Variants in AASS observed in about 807,000 individuals in gnomAD.
The protein encoded by AASS is alpha-aminoadipic semialdehyde synthase, mitochondrial.
Under a neutral mutation model 105.4 loss-of-function variants are expected in AASS, and 86 were observed. The ratio of observed to expected loss-of-function variants is 0.82; its 90% CI spans 0.69 to 0.98. The LOEUF is 0.98. Among genes scored for constraint, AASS ranks in the 50% least tolerant of loss-of-function variants. The pLI is 0.00. For synonymous variants in AASS, 381 were observed against 394.8 expected (o/e 0.96, Z 0.41); for missense variants, 1,048 against 1,143.2 (o/e 0.92, Z 1.20).
intron 3 of AASS, among the ~76,000 whole-genome samples, chr7:122,127,926 A>G (rs1191666034): frequency 6.6e-6 from 1 of 152,124 alleles, no homozygotes; most frequent in African/African-American, 2.4e-5. Context: ...TATCCCTTTG[A>G]ATGTCTAATA....
chr7:122,135,085 G>A (rs983425879), intron 1 of AASS, among the ~76,000 whole-genome samples: 64 of 152,072 alleles, frequency 4.2e-4, no homozygotes, highest in African/African-American at 1.4e-3. Flanking sequence ...GGGAACACTT[G>A]GACACAGGGT....
intron 21 of AASS, 110 bp downstream of exon 21, chr7:122,079,487 G>A (rs569886610): frequency 9.1e-7 from 1 of 1,094,008 alleles, no homozygotes; most frequent in South Asian, 1.3e-5. Flanking sequence ...ACCCACATTA[G>A]AGCAACGAAT....
At chr7:122,106,665 C>A (rs1041926071) in intron 11 of AASS, among the ~76,000 whole-genome samples, 1 of 152,088 alleles carries the variant, frequency 6.6e-6, no homozygotes, top group East Asian at 1.9e-4. Context: ...AAAGGACTCC[C>A]TGTTTAATAA....
At chr7:122,114,442 C>T (rs1795075982) in intron 9 of AASS, among the ~76,000 whole-genome samples, 1 of 152,188 alleles carries the variant, frequency 6.6e-6, no homozygotes, top group Non-Finnish European at 1.5e-5. Flanking sequence ...ATATCTTTTA[C>T]TCTTCCACAA....
chr7:122,113,382 C>A (rs1234913071), intron 10 of AASS, among the ~76,000 whole-genome samples, 153 bp from the exon 11 acceptor site: 1 of 152,138 alleles, frequency 6.6e-6, no homozygotes, highest in Non-Finnish European at 1.5e-5. Context: ...TCAAACAAAA[C>A]GTTTTCCTTC....
In AASS at chr7:122,118,370, A is replaced by G. The variant is rs759837259; in HGVS notation, c.624T>C (p.Gly208=). Residue 208 remains glycine (G), a synonymous_variant, in exon 6 of 24, where the codon GGT becomes GGC. Transcript: ENST00000417368. ...AGGGTCCTATTGACTTAGGCATCAA[A>G]CCCAAAGATATTTCATAGCCAGCAT... ...VRDAGYEISL[G]LMPKSIGPLT... is the part of the protein sequence containing the mutation. The G allele has an allele frequency of 1.9e-6, 3 of 1,614,034 alleles. No individual in the cohort carries two copies. In the African/African-American group the frequency reaches 4.0e-5, roughly 22 times the overall value.
At chr7:122,128,420 T>C (rs921525172) in intron 3 of AASS, among the ~76,000 whole-genome samples, 1 of 152,206 alleles carries the variant, frequency 6.6e-6, no homozygotes, top group Non-Finnish European at 1.5e-5. Flanking sequence ...AGATTGTTGC[T>C]CAATGCCACT....
intron 4 of AASS, among the ~76,000 whole-genome samples, chr7:122,125,031 T>G (rs964778490): frequency 6.6e-6 from 1 of 152,132 alleles, no homozygotes; most frequent in African/African-American, 2.4e-5. Context: ...CAAGCAATTC[T>G]CATGCCTCAA....
At chr7:122,097,801 T>C (rs1301711460) in intron 15 of AASS, among the ~76,000 whole-genome samples, 1 of 151,994 alleles carries the variant, frequency 6.6e-6, no homozygotes, top group Non-Finnish European at 1.5e-5. Flanking sequence ...ATTAATACCT[T>C]ATGACCTGCA....
At chr7:122,109,972 A>G (rs117360498) in intron 11 of AASS, among the ~76,000 whole-genome samples, 12 of 152,108 alleles carry the variant, frequency 7.9e-5, no homozygotes, top group Non-Finnish European at 1.5e-4. Context: ...AAGAGATAAT[A>G]CAATCAAAAA....
chr7:122,086,114 T>A lies in AASS; in HGVS notation c.2082A>T (p.Gly694=). Residue 694 remains glycine, a synonymous_variant, in exon 19 of 24, where the codon GGA becomes GGT. Transcript: ENST00000417368. ...TGTTAGGATAGCCTTCCAAATTTAA[T>A]CCTGGAAAAAAATCCATGGACGTAA... ...DAVTSMDFFP[G]LNLEGYPNRD... The A allele has an allele frequency of 6.2e-7, 1 of 1,613,466 alleles. No individual in the cohort carries two copies. Among genetic ancestry groups the A allele is most frequent in the Non-Finnish European group, 8.5e-7 (1 of 1,179,782 alleles).
chr7:122,130,039 C>T (rs926588318), intron 2 of AASS, among the ~76,000 whole-genome samples: 1 of 151,876 alleles, frequency 6.6e-6, no homozygotes. Flanking sequence ...GTCAAGATCC[C>T]TTGTATAAAG....
intron 13 of AASS, among the ~76,000 whole-genome samples, chr7:122,100,385 G>C (rs558934940): frequency 6.6e-6 from 1 of 151,948 alleles, no homozygotes; most frequent in South Asian, 2.1e-4. Flanking sequence ...CTCCTACAGG[G>C]TTATAGAGCT....
intron 6 of AASS, among the ~76,000 whole-genome samples, 192 bp downstream of exon 6, chr7:122,118,115 A>G (rs1368365680): frequency 6.6e-6 from 1 of 152,168 alleles, no homozygotes; most frequent in Non-Finnish European, 1.5e-5. Context: ...ATACACACAC[A>G]TACACATACA....
At chr7:122,113,503 A>G (rs1795027394) in intron 10 of AASS, 95 bp downstream of exon 10, 3 of 1,516,478 alleles carry the variant, frequency 2.0e-6, no homozygotes. Flanking sequence ...CCAAATTTTC[A>G]TAACTTCATA....
intron 4 of AASS, among the ~76,000 whole-genome samples, chr7:122,120,786 C>T (rs1377161895): frequency 2.6e-5 from 4 of 152,012 alleles, no homozygotes; most frequent in Admixed American, 2.6e-4. Flanking sequence ...TTCTAATTTT[C>T]CTGTGATTTC....
chr7:122,126,231 AT>A (rs1562987606), intron 4 of AASS, 143 bp downstream of exon 4: 1 of 772,572 alleles, frequency 1.3e-6, no homozygotes, highest in Non-Finnish European at 2.3e-6. Context: ...TTCCACTTGT[AT>A]TCATCATCCT....
intron 20 of AASS, among the ~76,000 whole-genome samples, chr7:122,080,780 AG>A (rs1340203929): frequency 1.3e-5 from 2 of 152,236 alleles, no homozygotes; most frequent in Admixed American, 6.5e-5. Context: ...AATTTTTTAA[AG>A]AAACTAGCTA....
chr7:122,136,458 T>C lies in AASS; in HGVS notation c.-15-2717A>G, dbSNP rs1796142733. On this transcript the variant is annotated intron_variant, in intron 1 of 23. Coordinates refer to ENST00000417368, the MANE Select transcript of AASS (RefSeq NM_005763.4). The stretch of plus-strand genomic sequence containing the variant: ...CAAAATATGCATGCAAAATAGATTA[T>C]CAACATTTCAGTAAACGACTGTTAT... Among the ~76,000 whole-genome samples the C allele has an allele frequency of 3.3e-5, 5 of 152,160 alleles. No homozygotes were observed. The South Asian group carries it at 1.0e-3, about 32-fold the overall frequency.
Sources: allele counts gnomAD v4.1 joint callset (sites outside exome capture counted in the v4.1 genomes callset), GRCh38; gene constraint gnomAD v4.1.1; transcripts MANE v1.5; gene names NCBI Gene and HGNC (gene_info 2026-07-23, HGNC 2026-07-21).